NUP155: variants seen among roughly 807,000 people sequenced by gnomAD.
The protein encoded by NUP155 is nuclear pore complex protein Nup155.
NUP155 carries 71 observed loss-of-function variants against 180.4 expected under a neutral mutation model. That is an observed-to-expected ratio of 0.39 (90% CI 0.33 to 0.48). The LOEUF (loss-of-function observed/expected upper bound fraction) is 0.48, where lower values mean the gene tolerates loss of function less well. Among genes scored for constraint, NUP155 ranks in the 20% least tolerant of loss-of-function variants. The probability of loss-of-function intolerance (pLI) is 0.91; values close to 1 mark genes in which losing one functional copy is unlikely to be tolerated. For synonymous variants in NUP155, 582 were observed against 559.5 expected, an observed-to-expected ratio of 1.04 and a Z score of -0.57; for missense variants, 1,553 against 1,648.9, an observed-to-expected ratio of 0.94 and a Z score of 1.01.
intron 8 of NUP155, 60 bp from the exon 9 acceptor site, chr5:37,348,656 ACT>A (rs1746259934): frequency 2.1e-6 from 2 of 973,674 alleles, no homozygotes; most frequent in East Asian, 2.4e-5. Context: ...ATATTATTAA[ACT>A]CTTTCTTTTA....
intron 12 of NUP155, among the ~76,000 whole-genome samples, chr5:37,337,318 T>C (rs1434415246): frequency 6.6e-6 from 1 of 152,098 alleles, no homozygotes; most frequent in Non-Finnish European, 1.5e-5. Flanking sequence ...TGTTGGCAAC[T>C]CAATTCTCTT....
chr5:37,304,937 G>A (rs1743068583), intron 26 of NUP155, 94 bp from the exon 27 acceptor site: 1 of 1,510,454 alleles, frequency 6.6e-7, no homozygotes, highest in Non-Finnish European at 9.2e-7. Context: ...AAGAAATCAA[G>A]AATCCTTACA....
chr5:37,332,062 A>G (rs554085085), intron 13 of NUP155, among the ~76,000 whole-genome samples: 1 of 152,060 alleles, frequency 6.6e-6, no homozygotes, highest in Non-Finnish European at 1.5e-5. Context: ...CTATATATCT[A>G]TAAAGAAAAC....
Position 37,331,687 on chromosome 5 carries a change from G to C in NUP155, c.1627C>G (p.Gln543Glu), listed in dbSNP as rs1177456861. ...EEIERFFKLH[Q>E]EDQACATCLI... ...TTTTTAAAAGTATATATAATTACCTGATGTAATTTAAAGAATCTTTCAATC... is the reference window on the plus strand; with the variant it reads ...TTTTTAAAAGTATATATAATTACCTCATGTAATTTAAAGAATCTTTCAATC... The change falls in exon 14 of 35, where the codon CAG (glutamine) becomes GAG (glutamate). Residue 543 changes from glutamine to glutamate, a missense_variant and splice_region_variant. By Grantham distance (29) the Gln-to-Glu change is conservative. Transcript: ENST00000231498. 2.0e-5 allele frequency: 31 copies of C among 1,522,776 alleles called. No homozygotes were observed. Among genetic ancestry groups the C allele is most frequent in the Non-Finnish European group, 2.8e-5 (31 of 1,100,784 alleles). 94.3% of individuals were successfully genotyped at this position (1,522,776 alleles called of 1,614,324 possible).
At chr5:37,300,281 G>C (rs1407943508) in intron 30 of NUP155, among the ~76,000 whole-genome samples, 4 of 152,252 alleles carry the variant, frequency 2.6e-5, no homozygotes, top group African/African-American at 9.6e-5. Flanking sequence ...TTATCCTTTT[G>C]AGTTACAAAT....
intron 31 of NUP155, among the ~76,000 whole-genome samples, 154 bp downstream of exon 31, chr5:37,299,294 C>T (rs1742741800): frequency 6.6e-6 from 1 of 152,130 alleles, no homozygotes; most frequent in Admixed American, 6.5e-5. Flanking sequence ...TCATCCTCCA[C>T]CATACCCAGG....
chr5:37,345,776 C>T lies in NUP155; in HGVS notation c.995+2729G>A, dbSNP rs570275721. Among the ~76,000 whole-genome samples the T allele has an allele frequency of 3.6e-4, 55 of 151,570 alleles. 1 individual carries two copies. In the South Asian group the frequency reaches 0.01, roughly 29 times the overall value. On this transcript the variant is annotated intron_variant, in intron 9 of 34. Coordinates refer to ENST00000231498, the MANE Select transcript of NUP155 (RefSeq NM_153485.3). Reference sequence around the variant, plus strand: ...AAAATTAGCCAGGCACAGTGGTGCGCGCCTATAGTCCCAGCTGCTTGGGAG... The same window carrying T: ...AAAATTAGCCAGGCACAGTGGTGCGTGCCTATAGTCCCAGCTGCTTGGGAG...
At chr5:37,362,144 GGAC>G (rs1429037003) in intron 3 of NUP155, among the ~76,000 whole-genome samples, 1 of 152,038 alleles carries the variant, frequency 6.6e-6, no homozygotes. Context: ...CAGTAAGGTA[GGAC>G]TGTTTGTTCC....
chr5:37,349,819 T>C (rs532102334), intron 7 of NUP155, among the ~76,000 whole-genome samples: 1 of 152,320 alleles, frequency 6.6e-6, no homozygotes, highest in Admixed American at 6.5e-5. Context: ...ATTCTTTTTA[T>C]ACTGGAAATT....
At chr5:37,306,506 C>T (rs1015476343) in intron 25 of NUP155, among the ~76,000 whole-genome samples, 2 of 152,192 alleles carry the variant, frequency 1.3e-5, no homozygotes, top group South Asian at 2.1e-4. Flanking sequence ...CCTGCTCTGA[C>T]GCCCAGGCTG....
intron 12 of NUP155, among the ~76,000 whole-genome samples, chr5:37,337,023 C>T (rs1745373527): frequency 6.6e-6 from 1 of 152,188 alleles, no homozygotes; most frequent in Non-Finnish European, 1.5e-5. Flanking sequence ...TCAGCAGCCT[C>T]TGTGGGCTAT....
intron 3 of NUP155, among the ~76,000 whole-genome samples, chr5:37,359,257 AG>A (rs1237376554): frequency 6.6e-6 from 1 of 151,888 alleles, no homozygotes; most frequent in African/African-American, 2.4e-5. Context: ...TCCAAGACCC[AG>A]GGATCCAGAC....
chr5:37,351,452 C>CT (rs369868879), intron 5 of NUP155, 96 bp from the exon 6 acceptor site: 78,153 of 655,042 alleles, frequency 0.12, no homozygotes, highest in South Asian at 0.17. Context: ...TTACTCAATT[C>CT]TTTTTTTTTT....
intron 1 of NUP155, among the ~76,000 whole-genome samples, chr5:37,368,594 C>T (rs1170767991): frequency 1.3e-5 from 2 of 151,792 alleles, no homozygotes; most frequent in African/African-American, 4.8e-5. Flanking sequence ...CCGAGGCGGG[C>T]GGATCACATG....
rs1743220917 is a variant in NUP155 at position 37,307,347 on chromosome 5, T to C, written c.2853A>G (p.Lys951=). ...CTATGTCTTCTTCTGGTTCTCCATG[T>C]TTATAGAAATGAAGCCCAAGACCTT... ...DPQGLGLHFY[K]HGEPEEDIVG... Residue 951 remains lysine, a synonymous_variant, in exon 25 of 35, where the codon AAA becomes AAG. Coordinates refer to ENST00000231498, the MANE Select transcript of NUP155 (RefSeq NM_153485.3). 6.2e-7 allele frequency: 1 copy of C among 1,613,986 alleles called. No individual in the cohort carries two copies. Among genetic ancestry groups the C allele is most frequent in the Non-Finnish European group, 8.5e-7 (1 of 1,179,984 alleles).
chr5:37,334,765 A>C (rs1347803665), intron 12 of NUP155, among the ~76,000 whole-genome samples: 1 of 152,196 alleles, frequency 6.6e-6, no homozygotes, highest in East Asian at 1.9e-4. Flanking sequence ...ATAAACTATA[A>C]ATACTCTTTA....
intron 30 of NUP155, among the ~76,000 whole-genome samples, chr5:37,300,730 C>T (rs1742815989): frequency 6.6e-6 from 1 of 152,050 alleles, no homozygotes; most frequent in Non-Finnish European, 1.5e-5. Context: ...CATCGAGGCT[C>T]ACCACAACCT....
intron 32 of NUP155, among the ~76,000 whole-genome samples, chr5:37,294,775 A>G (rs2150935666): frequency 6.6e-6 from 1 of 152,256 alleles, no homozygotes; most frequent in African/African-American, 2.4e-5. Context: ...TTTTTTAAAT[A>G]AAAGTAAGAT....
chr5:37,347,348 C>T (rs1278609069), intron 9 of NUP155, among the ~76,000 whole-genome samples: 1 of 152,148 alleles, frequency 6.6e-6, no homozygotes, highest in Non-Finnish European at 1.5e-5. Flanking sequence ...TCAAGCTGTA[C>T]TTTACGTAGT....
Sources: gnomAD v4.1 joint callset for allele counts (sites outside exome capture counted in the v4.1 genomes callset) on GRCh38, gnomAD v4.1.1 for gene constraint, MANE v1.5 for transcripts, NCBI Gene and HGNC (gene_info 2026-07-23, HGNC 2026-07-21) for gene names.